Variants in GAB1 observed in about 807,000 individuals in gnomAD.
The protein encoded by GAB1 is GRB2 associated binding protein 1.
A neutral mutation model predicts 66.5 loss-of-function variants in GAB1; 19 were observed. That is an observed-to-expected ratio of 0.29 (90% CI 0.20 to 0.42). The LOEUF (loss-of-function observed/expected upper bound fraction) is 0.42, where lower values mean the gene tolerates loss of function less well. Among genes scored for constraint, GAB1 ranks in the 10% least tolerant of loss-of-function variants. GAB1 has a pLI of 1.00. For missense variants in GAB1, 732 were observed against 858.5 expected, an observed-to-expected ratio of 0.85 and a Z score of 1.84; for synonymous variants, 294 against 301.4, an observed-to-expected ratio of 0.98 and a Z score of 0.25.
At chr4:143,365,596 T>C (rs1468997322) in intron 1 of GAB1, among the ~76,000 whole-genome samples, 1 of 152,186 alleles carries the variant, frequency 6.6e-6, no homozygotes, top group African/African-American at 2.4e-5. Context: ...CAATCTCTGA[T>C]CTTGAAGGGG....
At chr4:143,450,643 A>C (rs1734874521) in intron 6 of GAB1, among the ~76,000 whole-genome samples, 1 of 152,150 alleles carries the variant, frequency 6.6e-6, no homozygotes, top group African/African-American at 2.4e-5. Context: ...TAATCCCAGC[A>C]TCTGGGGAGA....
rs937379045 is a variant in GAB1, at chr4:143,359,000, G to T, written c.72+21740G>T. 3.9e-5 allele frequency among the ~76,000 whole-genome samples: 6 copies of T among 152,114 alleles called. No homozygotes were observed. The South Asian group carries it at 1.0e-3, about 26-fold the overall frequency. ...TGTCAGCTTGCTCCTTAGCTCCCTG[G>T]CTTATTTACATATTGTATAATCCAG... On this transcript the variant is annotated intron_variant, in intron 1 of 9. Coordinates refer to ENST00000262994, the MANE Select transcript of GAB1 (RefSeq NM_002039.4).
chr4:143,342,168 A>G (rs768566618), intron 1 of GAB1, among the ~76,000 whole-genome samples: 1 of 152,234 alleles, frequency 6.6e-6, no homozygotes, highest in Admixed American at 6.5e-5. Flanking sequence ...GGGCTGAATG[A>G]TAAGTGTAGA....
Position 143,467,260 on chromosome 4 carries a change from TAA to T in GAB1, c.1926+1036_1926+1037del, listed in dbSNP as rs1735840131. Among the ~76,000 whole-genome samples the T allele has an allele frequency of 2.6e-5, 4 of 152,364 alleles. No individual in the cohort carries two copies. In the South Asian group the frequency reaches 8.3e-4, roughly 32 times the overall value. The stretch of plus-strand genomic sequence containing the variant: ...GGAAAAATTGCTGTCAGTCTAATTG[TAA>T]TTCCCTTGTAGATAATGTCTTTTCT... On this transcript the variant is annotated intron_variant, in intron 9 of 9. Coordinates refer to ENST00000262994, the MANE Select transcript of GAB1 (RefSeq NM_002039.4).
In GAB1 at chr4:143,398,494, C is replaced by T. The variant is rs570133813; in HGVS notation, c.73-16983C>T. ...TCATGAGTTACACATTCTGTTTGCT[C>T]TAGAAATCAAGAAACAGAATAGTGG... is the stretch of plus-strand genomic sequence containing the variant. On this transcript the variant is annotated intron_variant, in intron 1 of 9. Transcript: ENST00000262994. 3.9e-5 allele frequency among the ~76,000 whole-genome samples: 6 copies of T among 152,240 alleles called. No homozygotes were observed. In the South Asian group the frequency reaches 1.2e-3, roughly 32 times the overall value.
chr4:143,361,580 G>A (rs1036950137), intron 1 of GAB1, among the ~76,000 whole-genome samples: 1 of 152,216 alleles, frequency 6.6e-6, no homozygotes, highest in Admixed American at 6.5e-5. Context: ...CACCTTGGCA[G>A]CTTATCAGCC....
At chr4:143,342,106 G>A (rs953505853) in intron 1 of GAB1, among the ~76,000 whole-genome samples, 2 of 152,166 alleles carry the variant, frequency 1.3e-5, no homozygotes, top group East Asian at 3.8e-4. Flanking sequence ...TCATCAACTT[G>A]CAATTACATT....
intron 1 of GAB1, among the ~76,000 whole-genome samples, chr4:143,372,364 G>A (rs1022358736): frequency 2.6e-5 from 4 of 152,118 alleles, no homozygotes; most frequent in Non-Finnish European, 5.9e-5. Context: ...TTTATTGAAT[G>A]CTTGCTGTAG....
At chr4:143,415,344 C>T (rs1002286250) in intron 1 of GAB1, 133 bp from the exon 2 acceptor site, 1 of 687,438 alleles carries the variant, frequency 1.5e-6, no homozygotes, top group Non-Finnish European at 2.3e-6. Context: ...GTGGTAAAAA[C>T]ACACACACAA....
chr4:143,398,924 G>A (rs1392947724), intron 1 of GAB1, among the ~76,000 whole-genome samples: 2 of 152,002 alleles, frequency 1.3e-5, no homozygotes, highest in African/African-American at 2.4e-5. Flanking sequence ...TAAGTAAAAT[G>A]GGCAGTTGGT....
intron 1 of GAB1, among the ~76,000 whole-genome samples, chr4:143,339,426 G>T (rs1033727654): frequency 3.3e-5 from 5 of 152,254 alleles, no homozygotes; most frequent in African/African-American, 1.2e-4. Context: ...CAGGAGAAAT[G>T]CTTGAACCTG....
chr4:143,466,143 C>T lies in GAB1; in HGVS notation c.1844C>T (p.Pro615Leu), dbSNP rs1227904673. 4.3e-6 allele frequency: 7 copies of T among 1,613,774 alleles called. No individual in the cohort carries two copies. The highest frequency in any genetic ancestry group is 5.9e-6 in the Non-Finnish European group (7 of 1,179,804). The change falls in exon 9 of 10, where the codon CCT (proline) becomes CTT (leucine). Residue 615 changes from proline to leucine, a missense_variant. Coordinates refer to ENST00000262994, the MANE Select transcript of GAB1 (RefSeq NM_002039.4). ...GSNSLDGGSS[P>L]MIKPKGDKQV... ...AACAGTCTTGATGGAGGAAGCAGCC[C>T]TATGATCAAGCCCAAAGGAGACAAA...
At chr4:143,458,705 G>A (rs1434396331) in intron 6 of GAB1, among the ~76,000 whole-genome samples, 1 of 151,868 alleles carries the variant, frequency 6.6e-6, no homozygotes, top group Non-Finnish European at 1.5e-5. Context: ...ATTATTATTA[G>A]CATTTACTTA....
intron 6 of GAB1, among the ~76,000 whole-genome samples, chr4:143,453,064 C>T (rs1286979601): frequency 6.6e-6 from 1 of 152,060 alleles, no homozygotes; most frequent in Admixed American, 6.6e-5. Context: ...CGTTTCTTTC[C>T]GCTTAAGTAA....
intron 1 of GAB1, among the ~76,000 whole-genome samples, chr4:143,372,274 A>G (rs773055942): frequency 3.3e-5 from 5 of 152,130 alleles, no homozygotes; most frequent in Non-Finnish European, 7.4e-5. Context: ...TCCGTTTGCT[A>G]TTCTCTTGCC....
chr4:143,377,620 A>G (rs747650755), intron 1 of GAB1, among the ~76,000 whole-genome samples: 2 of 152,238 alleles, frequency 1.3e-5, no homozygotes, highest in Non-Finnish European at 2.9e-5. Context: ...AATGGATTCT[A>G]AGTTGAATAA....
chr4:143,376,486 A>G (rs568549337), intron 1 of GAB1, among the ~76,000 whole-genome samples: 2 of 152,342 alleles, frequency 1.3e-5, no homozygotes, highest in African/African-American at 2.4e-5. Flanking sequence ...ATATGAGGCT[A>G]TTCTAAGTAC....
chr4:143,469,504 C>T lies in GAB1; in HGVS notation c.*315C>T, dbSNP rs1735978960. ...ATCTAAAACATTGTTCTGGGTTTTC[C>T]CAATGTACCTTACCATAATTCCTTT... On this transcript the variant is annotated 3_prime_UTR_variant, in exon 10 of 10. Coordinates refer to ENST00000262994, the MANE Select transcript of GAB1 (RefSeq NM_002039.4). The T allele has an allele frequency of 4.5e-6, 1 of 220,022 alleles. No individual in the cohort carries two copies. The highest frequency in any genetic ancestry group is 9.3e-6 in the Non-Finnish European group (1 of 107,146). The allele number at this position is 220,022 out of a possible 1,614,324, so 13.6% of individuals were successfully genotyped here.
intron 1 of GAB1, among the ~76,000 whole-genome samples, chr4:143,370,947 A>G (rs1730094835): frequency 6.6e-6 from 1 of 152,182 alleles, no homozygotes; most frequent in South Asian, 2.1e-4. Flanking sequence ...CTAGTCTATC[A>G]TTGATGGACA....
Sources: gnomAD v4.1 joint callset for allele counts (sites outside exome capture counted in the v4.1 genomes callset) on GRCh38, gnomAD v4.1.1 for gene constraint, MANE v1.5 for transcripts, NCBI Gene and HGNC (gene_info 2026-07-23, HGNC 2026-07-21) for gene names.